The following DGCR2 variants were observed in gnomAD, a reference collection of about 807,000 sequenced individuals.
DGCR2 encodes DiGeorge syndrome critical region gene 2.
Under a neutral mutation model 51.6 loss-of-function variants are expected in DGCR2, and 24 were observed. The observed-to-expected ratio is 0.47, with a 90% CI of 0.34 to 0.65. DGCR2 has a LOEUF of 0.65. Ranked by LOEUF, DGCR2 falls within the 30% of genes least tolerant of loss-of-function variation. DGCR2 has a pLI of 0.01. For synonymous variants in DGCR2, 340 were observed against 315.4 expected, an observed-to-expected ratio of 1.08 and a Z score of -0.82; for missense variants, 765 against 772.1, an observed-to-expected ratio of 0.99 and a Z score of 0.11.
At chr22:19,089,323 CAA>C (rs1292112247) in intron 2 of DGCR2, 43 bp downstream of exon 2, 1 of 1,520,898 alleles carries the variant, frequency 6.6e-7, no homozygotes, top group Non-Finnish European at 8.9e-7. Flanking sequence ...CCAGCTACAA[CAA>C]AGAGACAAGG....
chr22:19,112,588 C>T (rs1325142967), intron 1 of DGCR2, among the ~76,000 whole-genome samples: 1 of 143,414 alleles, frequency 7.0e-6, no homozygotes, highest in Non-Finnish European at 1.5e-5. Flanking sequence ...GGACTACAGG[C>T]GTGTGCCATC....
intron 2 of DGCR2, among the ~76,000 whole-genome samples, chr22:19,087,429 G>A (rs758846817): frequency 2.6e-5 from 4 of 151,940 alleles, no homozygotes; most frequent in Non-Finnish European, 5.9e-5. Flanking sequence ...TCACTCTGTC[G>A]CCCAGGCTGG....
chr22:19,052,244 C>T (rs2082555727), intron 6 of DGCR2, among the ~76,000 whole-genome samples: 1 of 151,954 alleles, frequency 6.6e-6, no homozygotes, highest in African/African-American at 2.4e-5. Context: ...TGGTGAAACC[C>T]ATCTCTACTA....
chr22:19,106,059 C>T (rs1478452130), intron 1 of DGCR2, among the ~76,000 whole-genome samples: 1 of 152,076 alleles, frequency 6.6e-6, no homozygotes, highest in Non-Finnish European at 1.5e-5. Context: ...CGCAGGGAGA[C>T]TGGCTTGGAA....
intron 6 of DGCR2, among the ~76,000 whole-genome samples, chr22:19,051,393 A>C (rs2082547541): frequency 1.3e-5 from 2 of 152,128 alleles, no homozygotes; most frequent in Admixed American, 1.3e-4. Context: ...CACATATCTG[A>C]CAAAGGACTG....
chr22:19,042,607 A>G (rs1169239981), intron 7 of DGCR2, among the ~76,000 whole-genome samples: 2 of 152,102 alleles, frequency 1.3e-5, no homozygotes, highest in Non-Finnish European at 2.9e-5. Context: ...CGTAGGGAGG[A>G]CAGGCTGCAA....
chr22:19,067,180 C>G (rs999259622), intron 3 of DGCR2, among the ~76,000 whole-genome samples: 1 of 152,106 alleles, frequency 6.6e-6, no homozygotes. Flanking sequence ...GTAACACAAG[C>G]AGACAGGCCC....
At chr22:19,095,948 G>C (rs1002205272) in intron 1 of DGCR2, among the ~76,000 whole-genome samples, 3 of 151,922 alleles carry the variant, frequency 2.0e-5, no homozygotes, top group Non-Finnish European at 4.4e-5. Context: ...TCTCACCCCC[G>C]CCATCCATAC....
chr22:19,061,524 G>A (rs1319647062), intron 5 of DGCR2: 1 of 152,164 alleles, frequency 6.6e-6, no homozygotes. Flanking sequence ...TTCTTGAATT[G>A]TCCTGTGGAA....
At chr22:19,041,585 C>G (rs2146302062) in intron 8 of DGCR2, 2 of 618,928 alleles carry the variant, frequency 3.2e-6, no homozygotes, top group Non-Finnish European at 5.6e-6. Context: ...GGCCTCTGAC[C>G]CTCAGAGGCC....
chr22:19,075,752 G>A (rs1292962409), intron 2 of DGCR2, among the ~76,000 whole-genome samples: 1 of 152,200 alleles, frequency 6.6e-6, no homozygotes, highest in Admixed American at 6.5e-5. Context: ...TGTAGCATGT[G>A]TCAGAATTCC....
At position 19,041,304 on chromosome 22, in the gene DGCR2, CA is replaced by C. The variant is rs2082428848; in HGVS notation, c.1160-11del. ...AGGTTGAAGTGGTGCACTGGGCCAT[CA>C]AAAGTGTGCAACGGGAACAGAGACA... is the stretch of plus-strand genomic sequence containing the variant. On this transcript the variant is annotated splice_polypyrimidine_tract_variant and intron_variant, in intron 8 of 9. Coordinates refer to ENST00000263196, the MANE Select transcript of DGCR2 (RefSeq NM_005137.3). 3.1e-6 allele frequency: 5 copies of C among 1,612,212 alleles called. No homozygotes were observed. The highest frequency in any genetic ancestry group is 4.2e-6 in the Non-Finnish European group (5 of 1,178,960).
intron 1 of DGCR2, among the ~76,000 whole-genome samples, chr22:19,114,062 G>GAAAAAAAAAAAAAAAAAAAAAAAAAAA (rs55948025): frequency 1.2e-5 from 1 of 80,988 alleles, no homozygotes; most frequent in Non-Finnish European, 2.3e-5. Context: ...TCCATTTGAG[G>GAAAAAAAAAAAAAAAAAAAAAAAAAAA]AAAAAAAAAA....
intron 1 of DGCR2, among the ~76,000 whole-genome samples, chr22:19,117,962 G>A (rs1352437537): frequency 6.6e-6 from 1 of 152,162 alleles, no homozygotes; most frequent in Non-Finnish European, 1.5e-5. Context: ...GCAAGGCTAG[G>A]TGCAAGCTCA....
At chr22:19,041,491 A>C in intron 8 of DGCR2, 197 bp from the exon 9 acceptor site, 1 of 610,942 alleles carries the variant, frequency 1.6e-6, no homozygotes, top group Non-Finnish European at 2.9e-6. Flanking sequence ...CACCCTCACC[A>C]CACCAACCTG....
At chr22:19,090,865 A>G (rs760920043) in intron 1 of DGCR2, among the ~76,000 whole-genome samples, 5 of 152,218 alleles carry the variant, frequency 3.3e-5, no homozygotes, top group Non-Finnish European at 7.3e-5. Context: ...AATATGGTAG[A>G]TTTTAATTAA....
At chr22:19,052,951 C>T (rs1230896841) in intron 6 of DGCR2, among the ~76,000 whole-genome samples, 1 of 152,206 alleles carries the variant, frequency 6.6e-6, no homozygotes, top group Admixed American at 6.5e-5. Flanking sequence ...GACCAAAGGC[C>T]TCTGACCTAC....
rs1421814593 is a variant in DGCR2, at chr22:19,041,111, G to A, written c.1343C>T (p.Pro448Leu). 7 of 1,613,392 alleles carry A rather than the reference G, an allele frequency of 4.3e-6. No individual in the cohort carries two copies. Among genetic ancestry groups the A allele is most frequent in the East Asian group, 2.2e-5 (1 of 44,850 alleles). Residue 448 changes from proline (P) to leucine (L), a missense_variant, in exon 9 of 10, where the codon CCG becomes CTG. Transcript: ENST00000263196. ...GTGGATGGAGGCCTCGTAGGGCGGC[G>A]GAGGGTCGTCGGGCTGGCCGATGTC... ...YPDIGQPDDP[P>L]PPYEASIHPD...
In DGCR2 at chr22:19,042,079, G is replaced by T; in HGVS notation, c.1007-120C>A. 5 of 1,167,154 alleles carry T rather than the reference G, an allele frequency of 4.3e-6. No individual in the cohort carries two copies. The South Asian group carries it at 6.4e-5, about 15-fold the overall frequency. The allele number at this position is 1,167,154 out of a possible 1,614,324, so 72.3% of individuals were successfully genotyped here. A position where few individuals can be genotyped will look rare whatever the true frequency, so the allele number is the denominator to read the frequency against. ...TGGACAAGGCACACAGTGTCTCCCT[G>T]CACCCAACCATCTTTAGGATACATG... On this transcript the variant is annotated intron_variant, in intron 7 of 9. Coordinates refer to ENST00000263196, the MANE Select transcript of DGCR2 (RefSeq NM_005137.3).
Sources: gnomAD v4.1 joint callset for allele counts (sites outside exome capture counted in the v4.1 genomes callset) on GRCh38, gnomAD v4.1.1 for gene constraint, MANE v1.5 for transcripts, NCBI Gene and HGNC (gene_info 2026-07-23, HGNC 2026-07-21) for gene names.